Variants in CEP250 observed in about 807,000 individuals in gnomAD.
The protein encoded by CEP250 is centrosomal protein 250.
Under a neutral mutation model 315.7 loss-of-function variants are expected in CEP250, and 242 were observed. The ratio of observed to expected loss-of-function variants is 0.77; its 90% CI spans 0.69 to 0.85. The LOEUF is 0.85. Among genes scored for constraint, CEP250 ranks in the 40% least tolerant of loss-of-function variants. The pLI is 0.00. For missense variants in CEP250, 2,515 were observed against 2,886.4 expected (o/e 0.87, Z 2.95); for synonymous variants, 1,088 against 1,175.0 (o/e 0.93, Z 1.51).
chr20:35,471,801 G>T (rs1158568492), intron 10 of CEP250, among the ~76,000 whole-genome samples: 1 of 152,242 alleles, frequency 6.6e-6, no homozygotes, highest in Non-Finnish European at 1.5e-5. Context: ...ATAGAAGCTA[G>T]TAAGTGATAG....
chr20:35,500,767 G>T (rs2063981438), intron 28 of CEP250, among the ~76,000 whole-genome samples: 1 of 152,218 alleles, frequency 6.6e-6, no homozygotes. Flanking sequence ...TTCCAAAGGG[G>T]TGCTGACCAC....
At chr20:35,467,263 G>T (rs2062906639) in intron 8 of CEP250, 41 bp from the exon 9 acceptor site, 1 of 1,592,514 alleles carries the variant, frequency 6.3e-7, no homozygotes, top group Non-Finnish European at 8.6e-7. Flanking sequence ...CTCCTTCCCT[G>T]GTTCCTAGTG....
Position 35,498,810 on chromosome 20 carries a change from G to A in CEP250, c.3777+94G>A, listed in dbSNP as rs142298747. On this transcript the variant is annotated intron_variant, in intron 27 of 34. Coordinates refer to ENST00000397527, the MANE Select transcript of CEP250 (RefSeq NM_007186.6). ...AAGCAGTTTGACCTGTTTTATTCCT[G>A]AGATCAAGTTGGGATGAGTTTCACC... The A allele has an allele frequency of 1.1e-5, 16 of 1,406,954 alleles. No homozygotes were observed. The African/African-American group carries it at 2.4e-4, about 21-fold the overall frequency. The allele number at this position is 1,406,954 out of a possible 1,614,324, so 87.2% of individuals were successfully genotyped here.
At position 35,504,620 on chromosome 20, in the gene CEP250, G is replaced by A; in HGVS notation, c.6251G>A (p.Arg2084Lys). The change falls in exon 30 of 35, where the codon AGA (arginine) becomes AAA (lysine). Residue 2084 changes from arginine (R) to lysine (K), a missense_variant. Coordinates refer to ENST00000397527, the MANE Select transcript of CEP250 (RefSeq NM_007186.6). ...IQEKQNLGQE[R>K]EEEEIRGLHQ... ...GAGAAGCAGAATCTGGGGCAAGAGA[G>A]AGAAGAGGAGGAGATAAGGGGCCTT... The A allele has an allele frequency of 1.2e-6, 2 of 1,614,180 alleles. No individual in the cohort carries two copies. Among genetic ancestry groups the A allele is most frequent in the Non-Finnish European group, 1.7e-6 (2 of 1,180,022 alleles).
chr20:35,469,773 G>A (rs2062977708), intron 9 of CEP250, 117 bp from the exon 10 acceptor site: 3 of 572,628 alleles, frequency 5.2e-6, no homozygotes, highest in South Asian at 2.5e-5. Flanking sequence ...TAAGGGATTT[G>A]GGGGAGGCTG....
At position 35,490,662 on chromosome 20, in the gene CEP250, A is replaced by G; in HGVS notation, c.2612A>G (p.Gln871Arg). 6.2e-7 allele frequency: 1 copy of G among 1,613,784 alleles called. No homozygotes were observed. The part of the protein sequence containing the change: ...KWEKERSWHQ[Q>R]ELAKALESLE... Reference sequence around the variant, plus strand: ...GAGAAGGAGCGCTCCTGGCACCAGCAGGAGCTGGCAAAGGCTCTGGAGAGC... The same window carrying G: ...GAGAAGGAGCGCTCCTGGCACCAGCGGGAGCTGGCAAAGGCTCTGGAGAGC... Residue 871 changes from glutamine to arginine, a missense_variant, in exon 21 of 35, where the codon CAG becomes CGG. Gln to Arg is a conservative substitution (Grantham distance 43, BLOSUM62 1). Transcript: ENST00000397527.
chr20:35,475,428 T>A, intron 14 of CEP250, 74 bp from the exon 15 acceptor site: 1 of 1,448,582 alleles, frequency 6.9e-7, no homozygotes, highest in Non-Finnish European at 9.5e-7. Context: ...GCAAAGGTGA[T>A]TATATTCCTG....
At chr20:35,489,973 GT>G (rs1452278778) in intron 20 of CEP250, among the ~76,000 whole-genome samples, 2 of 152,108 alleles carry the variant, frequency 1.3e-5, no homozygotes, top group Non-Finnish European at 2.9e-5. Flanking sequence ...GCGCCCAGGA[GT>G]TCGAGTCCAG....
rs2063287191 is a variant in CEP250 at position 35,479,736 on chromosome 20, G to A, written c.2379G>A (p.Gln793=). The A allele has an allele frequency of 6.2e-7, 1 of 1,614,078 alleles. No individual in the cohort carries two copies. Among genetic ancestry groups the A allele is most frequent in the Non-Finnish European group, 8.5e-7 (1 of 1,180,046 alleles). The part of the protein sequence containing the change: ...IEVTKGQLEV[Q]IQTVTQAKEV... ...TCACCAAGGGGCAGCTGGAGGTCCAGATTCAAACTGTCACTCAAGCCAAGG... is the reference window on the plus strand; with the variant it reads ...TCACCAAGGGGCAGCTGGAGGTCCAAATTCAAACTGTCACTCAAGCCAAGG... Residue 793 remains glutamine (Q), a synonymous_variant, in exon 19 of 35, where the codon CAG becomes CAA. Coordinates refer to ENST00000397527, the MANE Select transcript of CEP250 (RefSeq NM_007186.6).
chr20:35,458,056 G>A (rs1802426753), intron 1 of CEP250, among the ~76,000 whole-genome samples: 1 of 152,180 alleles, frequency 6.6e-6, no homozygotes, highest in South Asian at 2.1e-4. Flanking sequence ...TGTCTATACT[G>A]TAGTTTCTTT....
At position 35,511,974 on chromosome 20, in the gene CEP250, A is replaced by C; in HGVS notation, c.*348A>C. On this transcript the variant is annotated 3_prime_UTR_variant, in exon 35 of 35. Transcript: ENST00000397527. ...AATAAACCCTGGGATCTTTGCATTC[A>C]TTTTCTGCTGCTGTCTCCACTTGTG... 9.3e-7 allele frequency: 1 copy of C among 1,073,716 alleles called. No homozygotes were observed. The highest frequency in any genetic ancestry group is 3.8e-5 in the South Asian group (1 of 26,214). The allele number at this position is 1,073,716 out of a possible 1,614,324, so 66.5% of individuals were successfully genotyped here. A position where few individuals can be genotyped will look rare whatever the true frequency, so the allele number is the denominator to read the frequency against.
chr20:35,503,846 A>T lies in CEP250; in HGVS notation c.5477A>T (p.Gln1826Leu), dbSNP rs1366486053. Residue 1826 changes from glutamine to leucine, a missense_variant, in exon 30 of 35, where the codon CAG becomes CTG. Transcript: ENST00000397527. The surrounding 1 kb of genome is among the most constrained non-coding windows in gnomAD (Gnocchi z 4.2). ...GAACTGGAGGCTCTGCAGCAAGAACAGCAGCAGGCCCAGGGACAGGAGGAG... is the reference window on the plus strand; with the variant it reads ...GAACTGGAGGCTCTGCAGCAAGAACTGCAGCAGGCCCAGGGACAGGAGGAG... ...DQELEALQQE[Q>L]QQAQGQEERV... 2 of 1,614,014 alleles carry T rather than the reference A, an allele frequency of 1.2e-6. No homozygotes were observed. The highest frequency in any genetic ancestry group is 2.2e-5 in the South Asian group (2 of 91,080).
intron 24 of CEP250, among the ~76,000 whole-genome samples, chr20:35,495,731 C>G (rs1308564690): frequency 6.6e-6 from 1 of 151,982 alleles, no homozygotes; most frequent in Non-Finnish European, 1.5e-5. Flanking sequence ...GCCTCGGTGA[C>G]AGAACGAGAC....
At chr20:35,461,354 A>C (rs2078420) in intron 3 of CEP250, among the ~76,000 whole-genome samples, 26,753 of 152,098 alleles carry the variant, frequency 0.18, 2,495 homozygotes, top group South Asian at 0.29. Flanking sequence ...ATCTGAGGTC[A>C]CAGAGCCCAT....
chr20:35,511,636 C>A lies in CEP250; in HGVS notation c.*10C>A. 1.2e-6 allele frequency: 2 copies of A among 1,604,588 alleles called. No individual in the cohort carries two copies. The highest frequency in any genetic ancestry group is 4.5e-5 in the East Asian group (2 of 44,738). ...AGCCGCCTCCAGGTAGCAGCCACAGCCAGGAGCACACAGACAGAAGACTGT... is the reference window on the plus strand; with the variant it reads ...AGCCGCCTCCAGGTAGCAGCCACAGACAGGAGCACACAGACAGAAGACTGT... On this transcript the variant is annotated 3_prime_UTR_variant, in exon 35 of 35. Transcript: ENST00000397527.
At chr20:35,494,389 G>T (rs2063779146) in intron 23 of CEP250, 135 bp from the exon 24 acceptor site, 5 of 1,144,554 alleles carry the variant, frequency 4.4e-6, no homozygotes, top group Non-Finnish European at 6.3e-6. Flanking sequence ...TGTAGGAATT[G>T]GTAGAATCGC....
chr20:35,476,822 C>G (rs1215427492), intron 16 of CEP250: 1 of 433,180 alleles, frequency 2.3e-6, no homozygotes, highest in African/African-American at 2.0e-5. Context: ...GGGAAGGGGC[C>G]CATGTCCTCT....
At position 35,475,529 on chromosome 20, in the gene CEP250, C is replaced by G. The variant is rs1291245964; in HGVS notation, c.1599C>G (p.Ala533=). Reference sequence around the variant, plus strand: ...AGGAGATGCTGATGGGCCTGGAAGCCAAACAGTCAGAATCACTCAGTGAAC... The same window carrying G: ...AGGAGATGCTGATGGGCCTGGAAGCGAAACAGTCAGAATCACTCAGTGAAC... The part of the protein sequence containing the change: ...RLQEMLMGLE[A]KQSESLSELI... The change falls in exon 15 of 35, where the codon GCC becomes GCG. Residue 533 remains alanine (A), a synonymous_variant. Coordinates refer to ENST00000397527, the MANE Select transcript of CEP250 (RefSeq NM_007186.6). 1.4e-5 allele frequency: 22 copies of G among 1,614,136 alleles called. No individual in the cohort carries two copies. The highest frequency in any genetic ancestry group is 1.8e-5 in the Non-Finnish European group (21 of 1,180,002).
In CEP250 at chr20:35,500,331, C is replaced by T. The variant is rs188230110; in HGVS notation, c.3898+162C>T. On this transcript the variant is annotated intron_variant, in intron 28 of 34. Coordinates refer to ENST00000397527, the MANE Select transcript of CEP250 (RefSeq NM_007186.6). The stretch of plus-strand genomic sequence containing the variant: ...AGGTTTGAGTACAATGTCACGACTT[C>T]GGCTCGCTGCAACCTATGTCTTCCG... Among the ~76,000 whole-genome samples the T allele has an allele frequency of 3.3e-5, 5 of 152,314 alleles. No homozygotes were observed. The East Asian group carries it at 5.8e-4, about 18-fold the overall frequency.
Sources: allele counts gnomAD v4.1 joint callset (sites outside exome capture counted in the v4.1 genomes callset), GRCh38; gene constraint gnomAD v4.1.1; non-coding constraint Gnocchi (gnomAD v3.1); transcripts MANE v1.5; gene names NCBI Gene and HGNC (gene_info 2026-07-23, HGNC 2026-07-21).